The following SYNE1 variants were observed in gnomAD, a reference collection of about 807,000 sequenced individuals.
SYNE1 encodes nesprin-1.
In SYNE1, 616 loss-of-function variants were observed where a neutral mutation model predicts 1,111.0. The ratio of observed to expected loss-of-function variants is 0.55; its 90% confidence interval spans 0.52 to 0.59. The LOEUF (loss-of-function observed/expected upper bound fraction) is 0.59. Among genes scored for constraint, SYNE1 ranks in the 20% least tolerant of loss-of-function variants. SYNE1 has a pLI of 0.00. For synonymous variants in SYNE1, 3,855 were observed against 3,825.8 expected, an observed-to-expected ratio of 1.01 and a Z score of -0.28; for missense variants, 10,006 against 10,417.0, an observed-to-expected ratio of 0.96 and a Z score of 1.72.
At chr6:152,297,911 A>G (rs2094966409) in intron 93 of SYNE1, among the ~76,000 whole-genome samples, 1 of 151,990 alleles carries the variant, frequency 6.6e-6, no homozygotes, top group African/African-American at 2.4e-5. Context: ...TTTATAGATG[A>G]ATAATTTCTA....
rs2153438873 is a variant in SYNE1, at chr6:152,215,148, G to A, written c.22192-88C>T. The A allele has an allele frequency of 2.7e-6, 4 of 1,471,218 alleles. No individual in the cohort carries two copies. In the South Asian group the frequency reaches 3.4e-5, roughly 13 times the overall value. The allele number at this position is 1,471,218 out of a possible 1,614,324, so 91.1% of individuals were successfully genotyped here. A position where few individuals can be genotyped will look rare whatever the true frequency, so the allele number is the denominator to read the frequency against. Reference sequence around the variant, plus strand: ...GTGCGCAGTGAATTTCTGATTTCAGGAAGTAGCTGGTCTTCGGTCTAGTGG... The same window carrying A: ...GTGCGCAGTGAATTTCTGATTTCAGAAAGTAGCTGGTCTTCGGTCTAGTGG... On this transcript the variant is annotated intron_variant, in intron 121 of 145. Transcript: ENST00000367255.
chr6:152,404,601 C>A (rs2097867151), intron 45 of SYNE1, among the ~76,000 whole-genome samples: 1 of 152,046 alleles, frequency 6.6e-6, no homozygotes, highest in African/African-American at 2.4e-5. Context: ...GACCCAAAGT[C>A]TTGAGTCAGT....
chr6:152,604,127 G>A (rs541743911), intron 3 of SYNE1, among the ~76,000 whole-genome samples: 1 of 150,500 alleles, frequency 6.6e-6, no homozygotes, highest in South Asian at 2.1e-4. Context: ...CATTACTATG[G>A]AATATTTTCA....
intron 41 of SYNE1, among the ~76,000 whole-genome samples, chr6:152,415,384 T>C (rs2098135355): frequency 6.6e-6 from 1 of 152,164 alleles, no homozygotes; most frequent in Admixed American, 6.5e-5. Context: ...TCTGCCAAGC[T>C]GATTGGTTTC....
At position 152,231,777 on chromosome 6, in the gene SYNE1, C is replaced by CGTGTGTATGT. The variant is rs577405203; in HGVS notation, c.20863-220_20863-211dup. On this transcript the variant is annotated intron_variant, in intron 113 of 145. Transcript: ENST00000367255. ...TTATATGAACATAAACACAGATATA[C>CGTGTGTATGT]GTGTGTATGTGTGTGTGTGTGTGTG... 2.1e-3 allele frequency among the ~76,000 whole-genome samples: 239 copies of CGTGTGTATGT among 113,744 alleles called. 1 individual carries two copies. Among genetic ancestry groups the CGTGTGTATGT allele is most frequent in the African/African-American group, 7.4e-3 (226 of 30,646 alleles). The allele number at this position is 113,744 out of a possible 152,430, so 74.6% of individuals were successfully genotyped here.
intron 95 of SYNE1, among the ~76,000 whole-genome samples, chr6:152,287,084 G>A (rs1447644768): frequency 2.0e-5 from 3 of 152,090 alleles, no homozygotes; most frequent in Non-Finnish European, 2.9e-5. Context: ...CATCCAAGCA[G>A]CATTTGATTT....
chr6:152,534,738 A>C (rs1315267139), intron 4 of SYNE1, among the ~76,000 whole-genome samples: 1 of 152,184 alleles, frequency 6.6e-6, no homozygotes, highest in Non-Finnish European at 1.5e-5. Flanking sequence ...TGGGAGTAAA[A>C]TTCTATTCGG....
intron 49 of SYNE1, among the ~76,000 whole-genome samples, chr6:152,398,271 GTCT>G (rs777087754): frequency 2.6e-5 from 4 of 151,948 alleles, no homozygotes; most frequent in Admixed American, 6.6e-5. Flanking sequence ...CACAAACCAT[GTCT>G]TCTTCTTTTT....
At chr6:152,391,235 A>G (rs749144207) in intron 52 of SYNE1, 42 bp downstream of exon 52, 1 of 1,611,966 alleles carries the variant, frequency 6.2e-7, no homozygotes, top group Non-Finnish European at 8.5e-7. Context: ...TAATCAAATT[A>G]GCATTCAGCA....
intron 130 of SYNE1, chr6:152,168,170 A>G (rs750097685): frequency 1.0e-5 from 8 of 775,314 alleles, no homozygotes; most frequent in Non-Finnish European, 1.9e-5. Context: ...GTCCTCTGCC[A>G]TCCTCAGGGC....
chr6:152,488,542 T>C (rs1014767673), intron 11 of SYNE1, 39 bp from the exon 12 acceptor site: 3 of 1,107,530 alleles, frequency 2.7e-6, no homozygotes, highest in Admixed American at 3.5e-5. Context: ...TTAGTATCTG[T>C]GCATTTATTT....
intron 59 of SYNE1, 29 bp downstream of exon 59, chr6:152,373,008 A>G: frequency 1.2e-6 from 2 of 1,606,510 alleles, no homozygotes; most frequent in Non-Finnish European, 1.7e-6. Context: ...AATAACACAG[A>G]ATGCTTCCAT....
At chr6:152,433,227 GCCAA>G in intron 34 of SYNE1, among the ~76,000 whole-genome samples, 1 of 152,234 alleles carries the variant, frequency 6.6e-6, no homozygotes, top group East Asian at 1.9e-4. Flanking sequence ...GAATGAAGTG[GCCAA>G]TGATAGTCTA....
At chr6:152,336,617 C>T in intron 76 of SYNE1, 1 of 606,386 alleles carries the variant, frequency 1.6e-6, no homozygotes, top group South Asian at 1.8e-5. Context: ...GGAGTTCAGG[C>T]ATTAATGCTT....
intron 127 of SYNE1, among the ~76,000 whole-genome samples, chr6:152,197,286 T>C (rs2074351951): frequency 1.3e-5 from 2 of 152,370 alleles, no homozygotes; most frequent in African/African-American, 4.8e-5. Flanking sequence ...TAGATAGTTG[T>C]TACATTTGGT....
chr6:152,629,966 A>G (rs149928116), intron 2 of SYNE1, among the ~76,000 whole-genome samples: 47 of 152,298 alleles, frequency 3.1e-4, no homozygotes, highest in Non-Finnish European at 5.6e-4. Flanking sequence ...AACTTGGATT[A>G]TAGTCCATAA....
At chr6:152,608,214 C>T (rs143419436) in intron 3 of SYNE1, among the ~76,000 whole-genome samples, 73 of 152,198 alleles carry the variant, frequency 4.8e-4, no homozygotes, top group African/African-American at 1.6e-3. Flanking sequence ...AAAGTGTGTG[C>T]GCTCTCTTGC....
intron 90 of SYNE1, 30 bp from the exon 91 acceptor site, chr6:152,308,662 G>A (rs759488890): frequency 1.3e-6 from 2 of 1,587,436 alleles, no homozygotes; most frequent in Non-Finnish European, 1.7e-6. Context: ...CAGAAAGATA[G>A]ACAGTTTTTT....
intron 130 of SYNE1, among the ~76,000 whole-genome samples, chr6:152,171,334 C>T (rs776373929): frequency 1.3e-5 from 2 of 152,216 alleles, no homozygotes; most frequent in African/African-American, 2.4e-5. Context: ...CATTTGTGTG[C>T]GTACGTTTTC....
Sources: allele counts gnomAD v4.1 joint callset (sites outside exome capture counted in the v4.1 genomes callset), GRCh38; gene constraint gnomAD v4.1.1; transcripts MANE v1.5; gene names NCBI Gene and HGNC (gene_info 2026-07-23, HGNC 2026-07-21).